Variants in GOLGA4 observed in about 807,000 individuals in gnomAD.
The protein encoded by GOLGA4 is golgin A4, also known as golgin subfamily A member 4.
Under a neutral mutation model 265.9 loss-of-function variants are expected in GOLGA4, and 169 were observed. That is an observed-to-expected ratio of 0.64 (90% CI 0.56 to 0.72). The LOEUF is 0.72. GOLGA4 is among the 30% of genes least tolerant of loss of function. GOLGA4 has a pLI of 0.00. For synonymous variants in GOLGA4, 923 were observed against 855.8 expected (o/e 1.08, Z -1.37); for missense variants, 2,482 against 2,483.4 (o/e 1.00, Z 0.01).
Position 37,324,191 on chromosome 3 carries a change from G to A in GOLGA4, c.2305G>A (p.Asp769Asn), listed in dbSNP as rs2096963156. The change falls in exon 14 of 24, where the codon GAC becomes AAC. Residue 769 changes from aspartate to asparagine, a missense_variant. Transcript: ENST00000361924. ...NQLELLLKERDKHLKEHQAHV... is the reference protein window; with the variant it reads ...NQLELLLKERNKHLKEHQAHV... ...ACTTGAGCTTCTCTTGAAGGAAAGG[G>A]ACAAGCATTTGAAAGAGCATCAGGC... 1 of 1,614,136 alleles carries A rather than the reference G, an allele frequency of 6.2e-7. No individual in the cohort carries two copies. The highest frequency in any genetic ancestry group is 8.5e-7 in the Non-Finnish European group (1 of 1,180,014).
intron 10 of GOLGA4, among the ~76,000 whole-genome samples, chr3:37,314,221 A>G (rs1189295605): frequency 2.6e-5 from 4 of 152,086 alleles, no homozygotes; most frequent in Admixed American, 6.5e-5. Flanking sequence ...TCAGCCTCCA[A>G]AAGTGCTGGG....
At chr3:37,251,519 A>G in intron 2 of GOLGA4, 35 bp downstream of exon 2, 2 of 1,234,688 alleles carry the variant, frequency 1.6e-6, no homozygotes, top group Non-Finnish European at 2.4e-6. Flanking sequence ...TATACCTCTC[A>G]AAAGAAACTA....
intron 1 of GOLGA4, among the ~76,000 whole-genome samples, chr3:37,246,322 A>AG (rs1487359657): frequency 2.0e-5 from 3 of 152,104 alleles, no homozygotes; most frequent in Admixed American, 1.3e-4. Flanking sequence ...AAAAAAAAAA[A>AG]ATATGTTTTA....
intron 22 of GOLGA4, among the ~76,000 whole-genome samples, chr3:37,360,526 C>G (rs916074359): frequency 4.6e-5 from 7 of 152,000 alleles, no homozygotes; most frequent in Admixed American, 4.6e-4. Flanking sequence ...CCACACTATC[C>G]AAGAATAGAC....
At chr3:37,357,581 CT>C (rs2097093973) in intron 22 of GOLGA4, among the ~76,000 whole-genome samples, 1 of 152,140 alleles carries the variant, frequency 6.6e-6, no homozygotes, top group Admixed American at 6.5e-5. Context: ...TTTGAGTCAA[CT>C]TTTGTCAATT....
chr3:37,244,299 A>G (rs1560258718), intron 1 of GOLGA4: 1 of 151,956 alleles, frequency 6.6e-6, no homozygotes, highest in African/African-American at 2.4e-5. Context: ...AGGGGCAGAC[A>G]CTCTGCCTGT....
intron 3 of GOLGA4, among the ~76,000 whole-genome samples, chr3:37,284,782 C>T (rs914380931): frequency 6.6e-6 from 1 of 151,828 alleles, no homozygotes; most frequent in African/African-American, 2.4e-5. Flanking sequence ...TCTCCCACCT[C>T]AATCTCCTGA....
intron 20 of GOLGA4, among the ~76,000 whole-genome samples, chr3:37,342,539 A>G (rs983451087): frequency 3.9e-5 from 6 of 151,974 alleles, no homozygotes; most frequent in African/African-American, 2.4e-5. Context: ...TTCAAGCAAT[A>G]TTTTGTTTAG....
chr3:37,289,697 A>G (rs998636800), intron 5 of GOLGA4, among the ~76,000 whole-genome samples: 42 of 151,978 alleles, frequency 2.8e-4, no homozygotes, highest in African/African-American at 9.9e-4. Flanking sequence ...GAATTCCTTT[A>G]TGTCTTCCTG....
At chr3:37,278,909 C>T (rs1339703635) in intron 2 of GOLGA4, among the ~76,000 whole-genome samples, 1 of 151,330 alleles carries the variant, frequency 6.6e-6, no homozygotes, top group East Asian at 1.9e-4. Context: ...AACTCCTGGG[C>T]TCAAGCAGTC....
intron 10 of GOLGA4, among the ~76,000 whole-genome samples, chr3:37,310,037 G>A (rs2150906672): frequency 6.6e-6 from 1 of 152,214 alleles, no homozygotes; most frequent in African/African-American, 2.4e-5. Context: ...CACTCATTTT[G>A]TTTGTTTGTT....
At chr3:37,259,831 A>G (rs556430433) in intron 2 of GOLGA4, among the ~76,000 whole-genome samples, 1 of 152,274 alleles carries the variant, frequency 6.6e-6, no homozygotes, top group South Asian at 2.1e-4. Context: ...GGCGATTAAG[A>G]CTAGAGAAAG....
At chr3:37,319,589 T>C (rs183329996) in intron 12 of GOLGA4, 10 of 152,858 alleles carry the variant, frequency 6.5e-5, no homozygotes, top group Non-Finnish European at 1.3e-4. Flanking sequence ...TTTTTATTTT[T>C]GTATTTTTAG....
chr3:37,279,632 C>T (rs2096829303), intron 2 of GOLGA4, among the ~76,000 whole-genome samples: 1 of 152,122 alleles, frequency 6.6e-6, no homozygotes, highest in Admixed American at 6.6e-5. Flanking sequence ...AGAGGCCCAG[C>T]GTGTTGGCTC....
Position 37,255,170 on chromosome 3 carries a change from A to ATTC in GOLGA4, c.162+3688_162+3689insCTT, listed in dbSNP as rs1343341714. On this transcript the variant is annotated intron_variant, in intron 2 of 23. Coordinates refer to ENST00000361924, the MANE Select transcript of GOLGA4 (RefSeq NM_002078.5). ...TGTTGTCATCATTATTATTATTATT[A>ATTC]TTATTTTTGAGGCAAAGTCTCACTC... 2.0e-5 allele frequency among the ~76,000 whole-genome samples: 3 copies of ATTC among 151,618 alleles called. No homozygotes were observed. The East Asian group carries it at 5.8e-4, about 29-fold the overall frequency.
chr3:37,276,340 T>A (rs1264875742), intron 2 of GOLGA4: 2 of 1,606,730 alleles, frequency 1.2e-6, no homozygotes, highest in Non-Finnish European at 1.7e-6. Context: ...GGAATATTCC[T>A]CCTGACTTAT....
At position 37,319,090 on chromosome 3, in the gene GOLGA4, C is replaced by T; in HGVS notation, c.1441C>T (p.Leu481=). The change falls in exon 12 of 24, where the codon CTA becomes TTA. Residue 481 remains leucine, a synonymous_variant. Coordinates refer to ENST00000361924, the MANE Select transcript of GOLGA4 (RefSeq NM_002078.5). The stretch of plus-strand genomic sequence containing the variant: ...ATCCTCAGAAGAACAAATTGCTAAG[C>T]TACAGAAGCTTCATGAAAAGGAGCT... The part of the protein sequence containing the change: ...KKSSEEQIAK[L]QKLHEKELAR... The T allele has an allele frequency of 6.2e-7, 1 of 1,606,602 alleles. No individual in the cohort carries two copies. Among genetic ancestry groups the T allele is most frequent in the Non-Finnish European group, 8.5e-7 (1 of 1,176,236 alleles).
chr3:37,340,162 G>T lies in GOLGA4; in HGVS notation c.6435G>T (p.Lys2145Asn), dbSNP rs1361115537. ...AAGACCGTTTGAAGAAATATGAAAA[G>T]AATGTATATGCAACAACTGTGGGGA... ...NLEDRLKKYE[K>N]NVYATTVGTP... The change falls in exon 20 of 24, where the codon AAG becomes AAT. Residue 2145 changes from lysine to asparagine, a missense_variant. By Grantham distance (94) the Lys-to-Asn change is moderately conservative. Coordinates refer to ENST00000361924, the MANE Select transcript of GOLGA4 (RefSeq NM_002078.5). The T allele has an allele frequency of 7.0e-7, 1 of 1,434,416 alleles. No individual in the cohort carries two copies. The highest frequency in any genetic ancestry group is 9.7e-7 in the Non-Finnish European group (1 of 1,030,688). The allele number at this position is 1,434,416 out of a possible 1,614,324, so 88.9% of individuals were successfully genotyped here.
rs1193000962 is a variant in GOLGA4, at chr3:37,258,820, A to G, written c.162+7336A>G. Among the ~76,000 whole-genome samples the G allele has an allele frequency of 2.0e-5, 3 of 152,170 alleles. No homozygotes were observed. In the East Asian group the frequency reaches 5.8e-4, roughly 29 times the overall value. Reference sequence around the variant, plus strand: ...TTTTCAGAGGTTAAATTAACCATGTATTCCTGCAATAAATGTCACTTGTTT... The same window carrying G: ...TTTTCAGAGGTTAAATTAACCATGTGTTCCTGCAATAAATGTCACTTGTTT... On this transcript the variant is annotated intron_variant, in intron 2 of 23. Transcript: ENST00000361924.
Sources: gnomAD v4.1 joint callset for allele counts (sites outside exome capture counted in the v4.1 genomes callset) on GRCh38, gnomAD v4.1.1 for gene constraint, MANE v1.5 for transcripts, NCBI Gene and HGNC (gene_info 2026-07-23, HGNC 2026-07-21) for gene names.